Variants in YY1 observed in about 807,000 individuals in gnomAD.
YY1 encodes YY1 transcription factor, also known as transcriptional repressor protein YY1.
In YY1, 2 loss-of-function variants were observed where a neutral mutation model predicts 35.6. The observed-to-expected ratio is 0.06, with a 90% CI of 0.02 to 0.18. The LOEUF is 0.18. Among genes scored for constraint, YY1 ranks in the 10% least tolerant of loss-of-function variants. The pLI is 1.00. For missense variants in YY1, 322 were observed against 573.4 expected (o/e 0.56, Z 4.48); for synonymous variants, 268 against 238.9 (o/e 1.12, Z -1.12).
chr14:100,274,902 A>C, intron 3 of YY1, 144 bp downstream of exon 3: 1 of 888,810 alleles, frequency 1.1e-6, no homozygotes, highest in South Asian at 1.5e-5. Context: ...CCAAGAGATG[A>C]AGTTTTGTTA....
intron 2 of YY1, among the ~76,000 whole-genome samples, 159 bp downstream of exon 2, chr14:100,262,625 T>C (rs1032159544): frequency 7.2e-5 from 11 of 152,208 alleles, no homozygotes; most frequent in African/African-American, 2.2e-4. Context: ...GTTTTTTGTT[T>C]CCTTTTTTTG....
chr14:100,277,773 ACT>A lies in YY1; in HGVS notation c.*174_*175del. 3 of 718,506 alleles carry A rather than the reference ACT, an allele frequency of 4.2e-6. No homozygotes were observed. The highest frequency in any genetic ancestry group is 1.8e-5 in the African/African-American group (1 of 55,940). The allele number at this position is 718,506 out of a possible 1,614,324, so 44.5% of individuals were successfully genotyped here. On this transcript the variant is annotated 3_prime_UTR_variant, in exon 5 of 5. Coordinates refer to ENST00000262238, the MANE Select transcript of YY1 (RefSeq NM_003403.5). The surrounding 1 kb of genome is among the most constrained non-coding windows in gnomAD (Gnocchi z 5.6). ...GTAAAAATTAAAAAAAAAAAACTTT[ACT>A]AAGATGACATTGCTAAGATGCTCTA...
intron 1 of YY1, among the ~76,000 whole-genome samples, chr14:100,244,333 T>G (rs1288743635): frequency 7.0e-6 from 1 of 142,858 alleles, no homozygotes; most frequent in Non-Finnish European, 1.5e-5. Context: ...TTTTTTTTTT[T>G]TTTTTTTTTT....
At chr14:100,251,624 A>AG (rs1890925745) in intron 1 of YY1, among the ~76,000 whole-genome samples, 1 of 152,162 alleles carries the variant, frequency 6.6e-6, no homozygotes, top group African/African-American at 2.4e-5. Context: ...AACCTAGGAG[A>AG]GGGGGGAAGT....
At chr14:100,252,926 A>C (rs1053547429) in intron 1 of YY1, among the ~76,000 whole-genome samples, 2 of 152,022 alleles carry the variant, frequency 1.3e-5, no homozygotes, top group African/African-American at 4.8e-5. Context: ...CTGTGGTCTC[A>C]ACTACTGGTG....
intron 1 of YY1, among the ~76,000 whole-genome samples, chr14:100,251,763 C>T (rs1890928547): frequency 6.6e-6 from 1 of 152,102 alleles, no homozygotes; most frequent in African/African-American, 2.4e-5. Flanking sequence ...TTGTCCCTTC[C>T]TCCCCTCCCC....
chr14:100,253,519 G>A (rs886786357), intron 1 of YY1, among the ~76,000 whole-genome samples: 16 of 152,154 alleles, frequency 1.1e-4, no homozygotes, highest in African/African-American at 3.1e-4. Flanking sequence ...TCAGGTTCAA[G>A]CTATTCTCCC....
In YY1 at chr14:100,239,163, C is replaced by T. The variant is rs1328893467; in HGVS notation, c.-82C>T. 1.2e-5 allele frequency: 16 copies of T among 1,299,064 alleles called. No individual in the cohort carries two copies. The highest frequency in any genetic ancestry group is 8.5e-5 in the Admixed American group (2 of 23,478). 80.5% of individuals were successfully genotyped at this position (1,299,064 alleles called of 1,614,324 possible). A position where few individuals can be genotyped will look rare whatever the true frequency, so the allele number is the denominator to read the frequency against. ...GCCTTCCTCCCTCTGCCTTCCTTCC[C>T]CACGGCCGGCCGCCTCCTCGCCCGC... On this transcript the variant is annotated 5_prime_UTR_variant, in exon 1 of 5. Transcript: ENST00000262238.
chr14:100,248,368 C>T (rs1273869019), intron 1 of YY1, among the ~76,000 whole-genome samples: 4 of 152,196 alleles, frequency 2.6e-5, no homozygotes, highest in African/African-American at 7.2e-5. Context: ...GTGATCCGCC[C>T]GCCTTGGCCT....
chr14:100,272,627 A>G, intron 2 of YY1, among the ~76,000 whole-genome samples: 1 of 150,936 alleles, frequency 6.6e-6, no homozygotes, highest in African/African-American at 2.4e-5. Flanking sequence ...TTAAGGATTC[A>G]CTTAGGTGGG....
chr14:100,273,440 C>G (rs958253104), intron 2 of YY1, among the ~76,000 whole-genome samples: 2 of 152,154 alleles, frequency 1.3e-5, no homozygotes, highest in Non-Finnish European at 2.9e-5. Flanking sequence ...CGACACACAC[C>G]ACCATGCCTG....
At chr14:100,254,052 T>G (rs1258424361) in intron 1 of YY1, among the ~76,000 whole-genome samples, 2 of 151,444 alleles carry the variant, frequency 1.3e-5, no homozygotes, top group Non-Finnish European at 2.9e-5. Flanking sequence ...GCCAGGCTGG[T>G]CTCGAACTCC....
intron 1 of YY1, among the ~76,000 whole-genome samples, chr14:100,255,517 G>T (rs1002418937): frequency 6.6e-5 from 10 of 152,258 alleles, no homozygotes; most frequent in African/African-American, 2.2e-4. Flanking sequence ...TACTTGGAAG[G>T]CTGAGGCAGG....
intron 1 of YY1, among the ~76,000 whole-genome samples, chr14:100,240,728 G>A (rs892123719): frequency 1.3e-5 from 2 of 152,202 alleles, no homozygotes; most frequent in Non-Finnish European, 2.9e-5. Flanking sequence ...TCGCCTTCCT[G>A]CGGTACCTAG....
chr14:100,262,488 T>G (rs1380207142), intron 2 of YY1, 22 bp downstream of exon 2: 1 of 1,612,946 alleles, frequency 6.2e-7, no homozygotes, highest in Non-Finnish European at 8.5e-7. Context: ...GAACTTTCCT[T>G]TCTTTTAATT....
chr14:100,279,690 T>G lies in YY1; in HGVS notation c.*2090T>G, dbSNP rs962210973. 6.6e-6 allele frequency: 1 copy of G among 152,426 alleles called. No homozygotes were observed. Among genetic ancestry groups the G allele is most frequent in the Non-Finnish European group, 1.5e-5 (1 of 68,188 alleles). 9.4% of individuals were successfully genotyped at this position (152,426 alleles called of 1,614,324 possible). A position where few individuals can be genotyped will look rare whatever the true frequency, so the allele number is the denominator to read the frequency against. On this transcript the variant is annotated 3_prime_UTR_variant, in exon 5 of 5. Coordinates refer to ENST00000262238, the MANE Select transcript of YY1 (RefSeq NM_003403.5). The stretch of plus-strand genomic sequence containing the variant: ...GCGTCTTCTATGGATGCCTGCCTTG[T>G]GAGCACCCACACCTTCCCTCCCCAC...
rs1481759808 is a variant in YY1 at position 100,254,771 on chromosome 14, A to AT, written c.680-7530dup. ...CATGCCTAGCCTATTTTATTTATTT[A>AT]TTTATTTTTTTTTTTTTTTGAGTCG... On this transcript the variant is annotated intron_variant, in intron 1 of 4. Coordinates refer to ENST00000262238, the MANE Select transcript of YY1 (RefSeq NM_003403.5). Among the ~76,000 whole-genome samples the AT allele has an allele frequency of 4.2e-3, 460 of 108,712 alleles. 2 individuals carry two copies. The highest frequency in any genetic ancestry group is 0.015 in the African/African-American group (424 of 27,848). The allele number at this position is 108,712 out of a possible 152,430, so 71.3% of individuals were successfully genotyped here. A position where few individuals can be genotyped will look rare whatever the true frequency, so the allele number is the denominator to read the frequency against.
At chr14:100,259,323 A>C (rs1891047769) in intron 1 of YY1, among the ~76,000 whole-genome samples, 5 of 152,192 alleles carry the variant, frequency 3.3e-5, no homozygotes, top group African/African-American at 1.2e-4. Flanking sequence ...GATCGAGACC[A>C]TCCTGGCCAA....
intron 1 of YY1, among the ~76,000 whole-genome samples, chr14:100,243,180 A>G (rs370883721): frequency 6.6e-6 from 1 of 152,216 alleles, no homozygotes; most frequent in African/African-American, 2.4e-5. Flanking sequence ...GACGTGATAT[A>G]CTCAGTATAA....
Sources: gnomAD v4.1 joint callset for allele counts (sites outside exome capture counted in the v4.1 genomes callset) on GRCh38, gnomAD v4.1.1 for gene constraint, Gnocchi (gnomAD v3.1) non-coding constraint, MANE v1.5 for transcripts, NCBI Gene and HGNC (gene_info 2026-07-23, HGNC 2026-07-21) for gene names.